Variants in PRDM16 observed in about 807,000 individuals in gnomAD.
PRDM16 encodes the protein histone-lysine N-methyltransferase PRDM16.
A neutral mutation model predicts 110.6 loss-of-function variants in PRDM16; 23 were observed. That is an observed-to-expected ratio of 0.21 (90% CI 0.15 to 0.29). PRDM16 has a LOEUF of 0.29. Among genes scored for constraint, PRDM16 ranks in the 10% least tolerant of loss-of-function variants. The pLI, the probability that PRDM16 is intolerant of heterozygous loss-of-function variation, is 1.00. For synonymous variants in PRDM16, 799 were observed against 781.8 expected, an observed-to-expected ratio of 1.02 and a Z score of -0.37; for missense variants, 1,615 against 1,794.3, an observed-to-expected ratio of 0.90 and a Z score of 1.81.
At chr1:3,087,933 CAGTG>C (rs1321485377) in intron 1 of PRDM16, among the ~76,000 whole-genome samples, 1 of 152,122 alleles carries the variant, frequency 6.6e-6, no homozygotes, top group Non-Finnish European at 1.5e-5. Context: ...CTACATTTCT[CAGTG>C]AGCTGTTTCC....
At chr1:3,354,285 C>T (rs1642550795) in intron 3 of PRDM16, among the ~76,000 whole-genome samples, 1 of 151,978 alleles carries the variant, frequency 6.6e-6, no homozygotes, top group African/African-American at 2.4e-5. Context: ...CTTAGGGAAA[C>T]CCCGTCTCTA....
At chr1:3,352,870 C>T (rs919143978) in intron 3 of PRDM16, among the ~76,000 whole-genome samples, 9 of 152,176 alleles carry the variant, frequency 5.9e-5, no homozygotes, top group Admixed American at 1.3e-4. Flanking sequence ...AGCTAGCTCT[C>T]GGTGGCAGTC....
At chr1:3,199,960 C>T (rs1309440128) in intron 2 of PRDM16, among the ~76,000 whole-genome samples, 1 of 152,258 alleles carries the variant, frequency 6.6e-6, no homozygotes, top group Non-Finnish European at 1.5e-5. Context: ...TCTCCCCCCA[C>T]CAGGGGAATG....
At chr1:3,180,763 A>C (rs781274626) in intron 1 of PRDM16, among the ~76,000 whole-genome samples, 2 of 134,556 alleles carry the variant, frequency 1.5e-5, no homozygotes, top group African/African-American at 6.0e-5. Flanking sequence ...AGCGTTTCCC[A>C]ACCCAGAGGC....
chr1:3,395,827 C>T (rs1333686869), intron 4 of PRDM16, among the ~76,000 whole-genome samples: 1 of 152,266 alleles, frequency 6.6e-6, no homozygotes, highest in Non-Finnish European at 1.5e-5. Context: ...TGGAGGTCCC[C>T]TCGCCCCCAG....
At position 3,433,679 on chromosome 1, in the gene PRDM16, A is replaced by G. The variant is rs774512717; in HGVS notation, c.3699A>G (p.Ala1233=). Reference sequence around the variant, plus strand: ...GTGTGTCATCCCCTCCCCGCCAGGCATATGCAATGATGCTGTCCCTTTCCG... The same window carrying G: ...GTGTGTCATCCCCTCCCCGCCAGGCGTATGCAATGATGCTGTCCCTTTCCG... ...HTLCRQAKNQ[A]YAMMLSLSED... is the part of the protein sequence containing the mutation. Residue 1233 remains alanine (A), a splice_region_variant and synonymous_variant, in exon 17 of 17, where the codon GCA becomes GCG. Coordinates refer to ENST00000270722, the MANE Select transcript of PRDM16 (RefSeq NM_022114.4). 6.2e-7 allele frequency: 1 copy of G among 1,613,464 alleles called. No individual in the cohort carries two copies. The highest frequency in any genetic ancestry group is 8.5e-7 in the Non-Finnish European group (1 of 1,179,686).
chr1:3,176,710 A>G (rs1000728230), intron 1 of PRDM16, among the ~76,000 whole-genome samples: 2 of 131,242 alleles, frequency 1.5e-5, no homozygotes, highest in Non-Finnish European at 3.3e-5. Context: ...CTGTCCATCT[A>G]TCCATCCATC....
chr1:3,275,477 G>A (rs1396253001), intron 3 of PRDM16, among the ~76,000 whole-genome samples: 2 of 152,214 alleles, frequency 1.3e-5, no homozygotes, highest in Non-Finnish European at 2.9e-5. Context: ...GGGCCTGGGG[G>A]ACCTGGCTAC....
At chr1:3,287,844 C>T (rs970382169) in intron 3 of PRDM16, among the ~76,000 whole-genome samples, 5 of 151,954 alleles carry the variant, frequency 3.3e-5, no homozygotes, top group African/African-American at 1.2e-4. Context: ...CTGCAGCCGC[C>T]CCGCCACGCG....
Position 3,245,011 on chromosome 1 carries a change from A to G in PRDM16, c.438+874A>G, listed in dbSNP as rs535656131. 3.5e-4 allele frequency among the ~76,000 whole-genome samples: 53 copies of G among 152,298 alleles called. No homozygotes were observed. Among genetic ancestry groups the G allele is most frequent in the African/African-American group, 1.2e-3 (49 of 41,566 alleles). ...CTTGGCATCTTTGCTTTAAAGCAAG[A>G]TAAAATTTAGAGAGAGTCACATTTA... On this transcript the variant is annotated intron_variant, in intron 3 of 16. Coordinates refer to ENST00000270722, the MANE Select transcript of PRDM16 (RefSeq NM_022114.4). This position sits in a 1 kb window ranked among gnomAD's most constrained non-coding sequence, Gnocchi z 4.7.
chr1:3,203,004 G>A (rs141214807), intron 2 of PRDM16, among the ~76,000 whole-genome samples: 219 of 152,248 alleles, frequency 1.4e-3, no homozygotes, highest in African/African-American at 4.9e-3. Context: ...TCCACTGGTC[G>A]TACCCTTGCC....
At chr1:3,401,421 C>G (rs1048847244) in intron 5 of PRDM16, among the ~76,000 whole-genome samples, 2 of 152,222 alleles carry the variant, frequency 1.3e-5, no homozygotes, top group Non-Finnish European at 2.9e-5. Context: ...CGTGCACGTG[C>G]ATACACACCC....
At chr1:3,313,609 C>CA (rs1641518911) in intron 3 of PRDM16, among the ~76,000 whole-genome samples, 1 of 152,254 alleles carries the variant, frequency 6.6e-6, no homozygotes, top group Non-Finnish European at 1.5e-5. Context: ...CCCAGCCCCT[C>CA]ACCTGCGCCT....
At chr1:3,272,512 G>A (rs11801125) in intron 3 of PRDM16, among the ~76,000 whole-genome samples, 3,963 of 152,206 alleles carry the variant, frequency 0.026, 162 homozygotes, top group African/African-American at 0.086. Flanking sequence ...GGGGAGGCTC[G>A]CACTGGGGGC....
chr1:3,118,206 C>A (rs1643012686), intron 1 of PRDM16, among the ~76,000 whole-genome samples: 1 of 152,220 alleles, frequency 6.6e-6, no homozygotes, highest in Admixed American at 6.5e-5. Context: ...TACACACGCA[C>A]ACACGCACAC....
chr1:3,356,322 G>A lies in PRDM16; in HGVS notation c.439-28830G>A, dbSNP rs573800853. Among the ~76,000 whole-genome samples, 115 of 152,316 alleles carry A rather than the reference G, an allele frequency of 7.6e-4. 1 individual carries two copies. Among genetic ancestry groups the A allele is most frequent in the African/African-American group, 2.7e-3 (111 of 41,582 alleles). On this transcript the variant is annotated intron_variant, in intron 3 of 16. Coordinates refer to ENST00000270722, the MANE Select transcript of PRDM16 (RefSeq NM_022114.4). ...AAAGGTGACAGTGCCCCTGGCCAGG[G>A]CGGCCACTCTGGCCTGATGCATGAC...
intron 3 of PRDM16, among the ~76,000 whole-genome samples, chr1:3,332,641 T>C (rs1047603984): frequency 6.6e-6 from 1 of 152,256 alleles, no homozygotes; most frequent in East Asian, 1.9e-4. Context: ...ATTTAGCACA[T>C]CTGCATTGTT....
At chr1:3,252,810 T>A (rs891902870) in intron 3 of PRDM16, among the ~76,000 whole-genome samples, 1 of 152,066 alleles carries the variant, frequency 6.6e-6, no homozygotes, top group African/African-American at 2.4e-5. Context: ...AGCCTCCCCC[T>A]CCTGCCTCAC....
chr1:3,075,744 C>T (rs1161848413), intron 1 of PRDM16, among the ~76,000 whole-genome samples: 1 of 152,294 alleles, frequency 6.6e-6, no homozygotes, highest in African/African-American at 2.4e-5. Context: ...TGCACACGCA[C>T]CTCTCAGAGT....
Sources: gnomAD v4.1 joint callset for allele counts (sites outside exome capture counted in the v4.1 genomes callset) on GRCh38, gnomAD v4.1.1 for gene constraint, Gnocchi (gnomAD v3.1) non-coding constraint, MANE v1.5 for transcripts, NCBI Gene and HGNC (gene_info 2026-07-23, HGNC 2026-07-21) for gene names.